The following CSMD1 variants were observed in gnomAD, a reference collection of about 807,000 sequenced individuals.
CSMD1 encodes the protein CUB and Sushi multiple domains 1, also known as CUB and sushi domain-containing protein 1.
Under a neutral mutation model 417.5 loss-of-function variants are expected in CSMD1, and 213 were observed. The observed-to-expected ratio is 0.51, with a 90% CI of 0.46 to 0.57. CSMD1 has a LOEUF of 0.57. Ranked by LOEUF, CSMD1 falls within the 20% of genes least tolerant of loss-of-function variation. The pLI, the probability that CSMD1 is intolerant of heterozygous loss-of-function variation, is 0.00. For synonymous variants in CSMD1, 2,862 were observed against 1,736.8 expected (o/e 1.65, Z -16.11); for missense variants, 6,923 against 4,529.7 (o/e 1.53, Z -15.17).
chr8:4,886,389 CT>C (rs1803742333), intron 1 of CSMD1, among the ~76,000 whole-genome samples: 1 of 151,666 alleles, frequency 6.6e-6, no homozygotes, highest in South Asian at 2.1e-4. Flanking sequence ...TATTATGATG[CT>C]GGATTTTTCT....
intron 12 of CSMD1, among the ~76,000 whole-genome samples, chr8:3,441,202 C>T (rs1047328862): frequency 2.6e-5 from 4 of 152,056 alleles, no homozygotes; most frequent in Admixed American, 6.6e-5. Flanking sequence ...CCCGGGAGAT[C>T]TGGCAGGGAG....
intron 5 of CSMD1, among the ~76,000 whole-genome samples, chr8:3,774,044 G>A (rs373192966): frequency 2.6e-5 from 4 of 151,890 alleles, no homozygotes; most frequent in Non-Finnish European, 4.4e-5. Flanking sequence ...TTCATTCTTG[G>A]GCTTTTGCTA....
At chr8:4,641,216 A>T (rs1036736781) in intron 1 of CSMD1, among the ~76,000 whole-genome samples, 1 of 152,004 alleles carries the variant, frequency 6.6e-6, no homozygotes, top group Non-Finnish European at 1.5e-5. Flanking sequence ...TAATTCAAAC[A>T]AACTTCCAAG....
intron 32 of CSMD1, among the ~76,000 whole-genome samples, chr8:3,200,858 T>C (rs548361626): frequency 1.1e-4 from 17 of 152,322 alleles, no homozygotes; most frequent in Admixed American, 6.5e-4. Context: ...TGGTCAAAGC[T>C]TGTGACGCAT....
chr8:4,874,678 T>A (rs963573018), intron 1 of CSMD1, among the ~76,000 whole-genome samples: 21 of 151,936 alleles, frequency 1.4e-4, no homozygotes, highest in Admixed American at 2.6e-4. Flanking sequence ...TGGCATCTTA[T>A]GTAGAATAGC....
chr8:3,023,116 G>A (rs942409223), intron 51 of CSMD1, among the ~76,000 whole-genome samples: 8 of 152,220 alleles, frequency 5.3e-5, no homozygotes, highest in African/African-American at 1.7e-4. Context: ...TGGTTTCCTC[G>A]GATATAGACG....
At chr8:4,765,312 C>G (rs745601591) in intron 1 of CSMD1, among the ~76,000 whole-genome samples, 8 of 152,144 alleles carry the variant, frequency 5.3e-5, no homozygotes, top group Non-Finnish European at 1.0e-4. Flanking sequence ...GGGTAGCAAT[C>G]CCTTCTGTGA....
At chr8:4,099,953 C>G (rs376626418) in intron 3 of CSMD1, among the ~76,000 whole-genome samples, 1 of 152,144 alleles carries the variant, frequency 6.6e-6, no homozygotes, top group Admixed American at 6.5e-5. Context: ...AATAAAAATA[C>G]TCATTTATTT....
intron 7 of CSMD1, among the ~76,000 whole-genome samples, chr8:3,674,723 T>C (rs1018878876): frequency 2.0e-5 from 3 of 152,156 alleles, no homozygotes; most frequent in Non-Finnish European, 4.4e-5. Context: ...GTCTTGCTGA[T>C]TCCAAGTCCC....
At chr8:3,504,185 T>C (rs925644244) in intron 10 of CSMD1, among the ~76,000 whole-genome samples, 6 of 152,182 alleles carry the variant, frequency 3.9e-5, no homozygotes, top group African/African-American at 1.2e-4. Context: ...TGTATACCAG[T>C]ATTGAAACAC....
intron 3 of CSMD1, among the ~76,000 whole-genome samples, chr8:4,272,348 C>T (rs534666243): frequency 6.6e-6 from 1 of 152,232 alleles, no homozygotes; most frequent in Admixed American, 6.5e-5. Context: ...GCATGTTATT[C>T]CACTAATTGC....
At chr8:4,462,278 G>A (rs1039581798) in intron 2 of CSMD1, among the ~76,000 whole-genome samples, 1 of 151,738 alleles carries the variant, frequency 6.6e-6, no homozygotes, top group African/African-American at 2.4e-5. Context: ...AAAATAATTA[G>A]GAATAAATTT....
At chr8:4,666,528 T>C (rs547887133) in intron 1 of CSMD1, among the ~76,000 whole-genome samples, 2 of 152,312 alleles carry the variant, frequency 1.3e-5, no homozygotes, top group East Asian at 1.9e-4. Context: ...AGAATCCTGA[T>C]AATACTTTGA....
At chr8:4,544,791 C>G (rs1797559731) in intron 2 of CSMD1, among the ~76,000 whole-genome samples, 1 of 152,134 alleles carries the variant, frequency 6.6e-6, no homozygotes. Context: ...CACTTATAGA[C>G]CAAAAACCTG....
At chr8:4,507,403 T>C (rs1051181757) in intron 2 of CSMD1, among the ~76,000 whole-genome samples, 1 of 152,192 alleles carries the variant, frequency 6.6e-6, no homozygotes. Flanking sequence ...AGACTCCAAA[T>C]ATTTGTTCTG....
intron 3 of CSMD1, among the ~76,000 whole-genome samples, chr8:4,342,561 C>T (rs180787399): frequency 6.6e-6 from 1 of 151,940 alleles, no homozygotes; most frequent in African/African-American, 2.4e-5. Flanking sequence ...GTAAGTGATC[C>T]TCTCAGATGG....
chr8:4,077,291 ATATG>A (rs1338060338), intron 3 of CSMD1, among the ~76,000 whole-genome samples: 2 of 92,270 alleles, frequency 2.2e-5, no homozygotes, highest in Non-Finnish European at 5.0e-5. Context: ...ATATATATAT[ATATG>A]TGTATATATA....
At chr8:3,616,355 C>T (rs1802137175) in intron 8 of CSMD1, among the ~76,000 whole-genome samples, 1 of 152,128 alleles carries the variant, frequency 6.6e-6, no homozygotes, top group Non-Finnish European at 1.5e-5. Flanking sequence ...TCCTTCCTGT[C>T]ACCATATGAA....
At chr8:4,157,577 G>C (rs1484317979) in intron 3 of CSMD1, among the ~76,000 whole-genome samples, 4 of 152,092 alleles carry the variant, frequency 2.6e-5, no homozygotes, top group Admixed American at 6.5e-5. Flanking sequence ...GTATTGCTAA[G>C]ACCCTCTGCC....
Sources: gnomAD v4.1 joint callset for allele counts (sites outside exome capture counted in the v4.1 genomes callset) on GRCh38, gnomAD v4.1.1 for gene constraint, MANE v1.5 for transcripts, NCBI Gene and HGNC (gene_info 2026-07-23, HGNC 2026-07-21) for gene names.